CDK18: variants seen among roughly 807,000 people sequenced by gnomAD.
CDK18 encodes cyclin-dependent kinase 18.
CDK18 carries 52 observed loss-of-function variants against 62.0 expected under a neutral mutation model. That is an observed-to-expected ratio of 0.84 (90% CI 0.67 to 1.06). The LOEUF is 1.06. Ranked by LOEUF, CDK18 falls within the 50% of genes least tolerant of loss-of-function variation. The probability of loss-of-function intolerance (pLI) is 0.00; values close to 1 mark genes in which losing one functional copy is unlikely to be tolerated. For missense variants in CDK18, 604 were observed against 619.9 expected (o/e 0.97, Z 0.27); for synonymous variants, 237 against 247.0 (o/e 0.96, Z 0.38).
chr1:205,527,682 G>T lies in CDK18; in HGVS notation c.730-112G>T, dbSNP rs942146398. The T allele has an allele frequency of 4.0e-6, 4 of 998,896 alleles. No homozygotes were observed. In the Admixed American group the frequency reaches 6.2e-5, roughly 15 times the overall value. The allele number at this position is 998,896 out of a possible 1,614,324, so 61.9% of individuals were successfully genotyped here. A position where few individuals can be genotyped will look rare whatever the true frequency, so the allele number is the denominator to read the frequency against. ...GGGGCTGCAGGGTGTGCAGGAGAAT[G>T]AGGGGCTTGTGCTGACCTCACTGCC... is the stretch of plus-strand genomic sequence containing the variant. On this transcript the variant is annotated intron_variant, in intron 8 of 15. Transcript: ENST00000429964. The surrounding 1 kb of genome is among the most constrained non-coding windows in gnomAD (Gnocchi z 4.1).
chr1:205,525,269 G>C, intron 5 of CDK18, 74 bp downstream of exon 5: 3 of 1,088,496 alleles, frequency 2.8e-6, no homozygotes, highest in Non-Finnish European at 1.4e-6. Flanking sequence ...CTCCCTAGTC[G>C]GCCCTCTCTG....
chr1:205,515,173 A>ATT (rs34027094), intron 1 of CDK18, among the ~76,000 whole-genome samples: 39,974 of 117,360 alleles, frequency 0.34, 8,059 homozygotes, highest in East Asian at 0.82. Flanking sequence ...GCTTTGAAGG[A>ATT]TTTTTTTTTT....
intron 5 of CDK18, among the ~76,000 whole-genome samples, chr1:205,525,738 G>A (rs776548648): frequency 6.6e-6 from 1 of 152,164 alleles, no homozygotes; most frequent in African/African-American, 2.4e-5. Flanking sequence ...TAGAGAGAGG[G>A]AACACACAGC....
chr1:205,518,576 TG>T (rs1667948506), intron 1 of CDK18, among the ~76,000 whole-genome samples: 1 of 152,144 alleles, frequency 6.6e-6, no homozygotes, highest in African/African-American at 2.4e-5. Flanking sequence ...AGGAGCAATA[TG>T]GTCACGTTTG....
intron 1 of CDK18, among the ~76,000 whole-genome samples, chr1:205,508,164 T>C (rs1197858533): frequency 6.6e-6 from 1 of 152,210 alleles, no homozygotes; most frequent in African/African-American, 2.4e-5. Context: ...TGGCAATAAG[T>C]CACATTTCTC....
intron 1 of CDK18, among the ~76,000 whole-genome samples, chr1:205,511,814 G>A (rs945028610): frequency 5.9e-5 from 9 of 152,182 alleles, no homozygotes; most frequent in Admixed American, 1.3e-4. Flanking sequence ...AGCACTTTGG[G>A]AGGCCGAGGC....
rs1667876224 is a variant in CDK18 at position 205,517,398 on chromosome 1, CTT to C, written c.-21-5745_-21-5744del. Among the ~76,000 whole-genome samples, 1 of 152,178 alleles carries C rather than the reference CTT, an allele frequency of 6.6e-6. No individual in the cohort carries two copies. Among genetic ancestry groups the C allele is most frequent in the Admixed American group, 6.5e-5 (1 of 15,286 alleles). On this transcript the variant is annotated intron_variant, in intron 1 of 15. Transcript: ENST00000429964. The surrounding 1 kb of genome is among the most constrained non-coding windows in gnomAD (Gnocchi z 4.1). ...GTTTGATGAAGTTTATATGAGGACT[CTT>C]TTTGTCTGGGCAGTAGCTTGAGAGA...
In CDK18 at chr1:205,531,549, G is replaced by C. The variant is rs548890889; in HGVS notation, c.*171G>C. The C allele has an allele frequency of 1.3e-4, 83 of 648,262 alleles. 1 individual carries two copies. In the South Asian group the frequency reaches 1.4e-3, roughly 11 times the overall value. The allele number at this position is 648,262 out of a possible 1,614,324, so 40.2% of individuals were successfully genotyped here. ...CGGCTGTTTCTTCTTTGTGCTTCCC[G>C]TGTGCCTCCCCAGTAGCCCTCACCT... On this transcript the variant is annotated 3_prime_UTR_variant, in exon 16 of 16. Coordinates refer to ENST00000429964, the MANE Select transcript of CDK18 (RefSeq NM_212502.3).
At position 205,528,324 on chromosome 1, in the gene CDK18, G is replaced by A. The variant is rs74142373; in HGVS notation, c.974+156G>A. Among the ~76,000 whole-genome samples, 15,308 of 152,036 alleles carry A rather than the reference G, an allele frequency of 0.1. 1,395 individuals carry two copies. The highest frequency in any genetic ancestry group is 0.24 in the African/African-American group (9,955 of 41,382). The stretch of plus-strand genomic sequence containing the variant: ...TGCTGAAATGGATGTTAAAAAATTA[G>A]GTCTGAAATATAATAGGTTAGGGTT... On this transcript the variant is annotated intron_variant, in intron 10 of 15. Coordinates refer to ENST00000429964, the MANE Select transcript of CDK18 (RefSeq NM_212502.3). The surrounding 1 kb of genome is among the most constrained non-coding windows in gnomAD (Gnocchi z 4.2).
chr1:205,516,419 G>A lies in CDK18; in HGVS notation c.-21-6728G>A, dbSNP rs1289490197. Among the ~76,000 whole-genome samples, 1 of 152,148 alleles carries A rather than the reference G, an allele frequency of 6.6e-6. No homozygotes were observed. Among genetic ancestry groups the A allele is most frequent in the Non-Finnish European group, 1.5e-5 (1 of 68,032 alleles). ...AAGACCCTCTGGGCTTCAGAAAGTGGGCAGCCACAAGTTACGTCCCCCAAC... is the reference window on the plus strand; with the variant it reads ...AAGACCCTCTGGGCTTCAGAAAGTGAGCAGCCACAAGTTACGTCCCCCAAC... On this transcript the variant is annotated intron_variant, in intron 1 of 15. Coordinates refer to ENST00000429964, the MANE Select transcript of CDK18 (RefSeq NM_212502.3). The surrounding 1 kb of genome is among the most constrained non-coding windows in gnomAD (Gnocchi z 4.8).
At chr1:205,508,060 C>T (rs910282703) in intron 1 of CDK18, among the ~76,000 whole-genome samples, 1 of 152,204 alleles carries the variant, frequency 6.6e-6, no homozygotes, top group East Asian at 1.9e-4. Context: ...GGAGGACCCT[C>T]CCCTGGTACT....
At chr1:205,529,629 C>T (rs1289759123) in intron 13 of CDK18, 66 bp downstream of exon 13, 5 of 1,611,130 alleles carry the variant, frequency 3.1e-6, no homozygotes, top group Non-Finnish European at 3.4e-6. Context: ...TGCCCCATGC[C>T]GGGCCTACGC....
chr1:205,523,537 C>T lies in CDK18; in HGVS notation c.185C>T (p.Ser62Phe), dbSNP rs1668254748. 4 of 1,606,908 alleles carry T rather than the reference C, an allele frequency of 2.5e-6. No homozygotes were observed. Among genetic ancestry groups the T allele is most frequent in the Non-Finnish European group, 3.4e-6 (4 of 1,177,182 alleles). Residue 62 changes from serine (S) to phenylalanine (F), a missense_variant, in exon 3 of 16, where the codon TCC (serine) becomes TTC (phenylalanine). Ser to Phe is a radical substitution (Grantham distance 155). Coordinates refer to ENST00000429964, the MANE Select transcript of CDK18 (RefSeq NM_212502.3). ...RDPPQECSTF[S>F]PTDSGEEPGQ... is the part of the protein sequence containing the mutation. ...CCCCCGCAGGAGTGCAGCACCTTCT[C>T]CCCAACAGACAGCGGGGAGGAGCCG...
intron 1 of CDK18, among the ~76,000 whole-genome samples, chr1:205,518,752 G>A (rs1405202151): frequency 6.6e-6 from 1 of 152,216 alleles, no homozygotes; most frequent in East Asian, 1.9e-4. Flanking sequence ...GGGGCACAGT[G>A]GCCTCTGGCA....
intron 1 of CDK18, among the ~76,000 whole-genome samples, chr1:205,511,988 A>C (rs895420427): frequency 1.3e-5 from 2 of 152,154 alleles, no homozygotes; most frequent in African/African-American, 4.8e-5. Flanking sequence ...CGGGAGACAG[A>C]AGTTGCACTG....
At chr1:205,518,644 C>T (rs1667952630) in intron 1 of CDK18, among the ~76,000 whole-genome samples, 1 of 152,216 alleles carries the variant, frequency 6.6e-6, no homozygotes, top group Non-Finnish European at 1.5e-5. Flanking sequence ...CATTTCCCCT[C>T]TTGGATGTTC....
At chr1:205,524,203 G>T in intron 3 of CDK18, 29 bp from the exon 4 acceptor site, 1 of 1,614,032 alleles carries the variant, frequency 6.2e-7, no homozygotes, top group Non-Finnish European at 8.5e-7. Flanking sequence ...ACCAACAGTG[G>T]TGTCCCCATC....
chr1:205,518,254 A>G (rs1333945237), intron 1 of CDK18, among the ~76,000 whole-genome samples: 8 of 152,006 alleles, frequency 5.3e-5, no homozygotes, highest in Non-Finnish European at 1.0e-4. Context: ...CATTCTGTCT[A>G]TTGTCCGCAC....
At chr1:205,506,732 C>T (rs533048702) in intron 1 of CDK18, among the ~76,000 whole-genome samples, 10 of 152,286 alleles carry the variant, frequency 6.6e-5, no homozygotes, top group African/African-American at 2.4e-4. Context: ...CTCTGGAGTT[C>T]TCTGGTCTGC....
Sources: gnomAD v4.1 joint callset for allele counts (sites outside exome capture counted in the v4.1 genomes callset) on GRCh38, gnomAD v4.1.1 for gene constraint, Gnocchi (gnomAD v3.1) non-coding constraint, MANE v1.5 for transcripts, NCBI Gene and HGNC (gene_info 2026-07-23, HGNC 2026-07-21) for gene names.